Variants in C1orf202 observed in about 807,000 individuals in gnomAD.
C1orf202 encodes the protein chromosome 1 open reading frame 202.
chr1:244,730,234 G>C, the C1orf202 span: 37 of 225,824 alleles, frequency 1.6e-4, no homozygotes, highest in Non-Finnish European at 2.6e-5. Flanking sequence ...ACTGCTCCGA[G>C]GCCCTCGGAC....
the C1orf202 span, chr1:244,730,698 C>CT: frequency 5.2e-6 from 2 of 384,402 alleles, no homozygotes; most frequent in Non-Finnish European, 9.2e-6. Flanking sequence ...GCCTCCTTGC[C>CT]TGCGCGCGCG....
the C1orf202 span, chr1:244,729,949 G>A: frequency 6.6e-6 from 1 of 151,714 alleles, no homozygotes; most frequent in African/African-American, 2.4e-5. Context: ...TTTTTTTGAC[G>A]GGGCGTGGTA....
At chr1:244,730,827 C>T in the C1orf202 span, 4 of 378,860 alleles carry the variant, frequency 1.1e-5, no homozygotes, top group Non-Finnish European at 1.9e-5. Flanking sequence ...TCCGGATCCC[C>T]GCGCGGAGGG....
At chr1:244,730,785 C>A in the C1orf202 span, 7 of 378,398 alleles carry the variant, frequency 1.8e-5, no homozygotes, top group Non-Finnish European at 2.8e-5. Context: ...CAGGAGCCGC[C>A]GTCGCCGGCC....
At chr1:244,730,512 T>G in the C1orf202 span, 1 of 359,812 alleles carries the variant, frequency 2.8e-6, no homozygotes, top group African/African-American at 2.1e-5. Context: ...CCGGGGACGC[T>G]GCTCTGGGGT....
At chr1:244,729,826 C>T in the C1orf202 span, 1 of 152,054 alleles carries the variant, frequency 6.6e-6, no homozygotes. Flanking sequence ...CCTGTCCCAC[C>T]CCCACCCCAA....
At chr1:244,730,040 T>C in the C1orf202 span, 1 of 99,168 alleles carries the variant, frequency 1.0e-5, no homozygotes, top group South Asian at 3.7e-4. Flanking sequence ...GGCAACATAG[T>C]TGGTTTTTTT....
At chr1:244,730,487 G>A in the C1orf202 span, 1 of 346,226 alleles carries the variant, frequency 2.9e-6, no homozygotes, top group Non-Finnish European at 5.2e-6. Context: ...CGCGGGGGCG[G>A]CCTGCGCGGG....
the C1orf202 span, chr1:244,730,850 AGGCGCGCCGCCTTCTCCAGCAGCTCGTGC>A: frequency 7.9e-6 from 3 of 381,390 alleles, no homozygotes; most frequent in African/African-American, 6.3e-5. Context: ...GCCCCGCTCC[AGGCGCGCCGCCTTCTCCAGCAGCTCGTGC>A]TGCGCGCCGC....
the C1orf202 span, chr1:244,730,328 C>T: frequency 7.3e-6 from 2 of 272,522 alleles, no homozygotes; most frequent in Non-Finnish European, 1.4e-5. Flanking sequence ...CACATCCCCC[C>T]AACATTGCAT....
the C1orf202 span, chr1:244,730,202 G>A: frequency 4.5e-6 from 1 of 222,044 alleles, no homozygotes; most frequent in African/African-American, 2.3e-5. Flanking sequence ...CCAGGGCTCC[G>A]CGGCACCCGC....
the C1orf202 span, chr1:244,730,887 C>G: frequency 7.8e-6 from 3 of 385,462 alleles, no homozygotes; most frequent in Non-Finnish European, 9.2e-6. Context: ...TGCTGCGCGC[C>G]GCCGCGCCGG....
the C1orf202 span, chr1:244,730,374 T>C: frequency 6.0e-6 from 2 of 331,454 alleles, no homozygotes; most frequent in Non-Finnish European, 1.1e-5. Flanking sequence ...GTTACTTTCA[T>C]TTATTGCTTT....
the C1orf202 span, chr1:244,730,585 C>G: frequency 2.6e-6 from 1 of 380,112 alleles, no homozygotes; most frequent in Non-Finnish European, 4.7e-6. Context: ...TCTCCTCCAG[C>G]CGGTCCGGCC....
At chr1:244,731,010 CA>C in the C1orf202 span, 1 of 330,884 alleles carries the variant, frequency 3.0e-6, no homozygotes. Context: ...TCCAGGACTC[CA>C]AAGGGCCCCT....
the C1orf202 span, chr1:244,730,453 G>C: frequency 2.9e-6 from 1 of 347,668 alleles, no homozygotes; most frequent in Admixed American, 4.8e-5. Flanking sequence ...GGCTCCTCGT[G>C]GCTGACCGGC....
the C1orf202 span, among the ~76,000 whole-genome samples, chr1:244,729,737 G>A: frequency 6.6e-6 from 1 of 152,068 alleles, no homozygotes; most frequent in Non-Finnish European, 1.5e-5. Flanking sequence ...GGAAAAGGAA[G>A]ACATTCAAGA....
At chr1:244,730,566 G>C in the C1orf202 span, 2 of 375,014 alleles carry the variant, frequency 5.3e-6, no homozygotes, top group Admixed American at 4.6e-5. Context: ...TCCAGCACCA[G>C]CAGCGGGATC....
the C1orf202 span, chr1:244,730,367 A>G: frequency 3.1e-6 from 1 of 321,320 alleles, no homozygotes; most frequent in Non-Finnish European, 5.7e-6. Flanking sequence ...TGCTGGGGTT[A>G]CTTTCATTTA....
Sources: gnomAD v4.1 joint callset for allele counts (sites outside exome capture counted in the v4.1 genomes callset) on GRCh38, gnomAD v4.1.1 for gene constraint, MANE v1.5 for transcripts, NCBI Gene and HGNC (gene_info 2026-07-23, HGNC 2026-07-21) for gene names.